ZNF804B: variants seen among roughly 807,000 people sequenced by gnomAD.
ZNF804B encodes the protein zinc finger protein 804B, also known as zinc finger 804B.
Under a neutral mutation model 101.4 loss-of-function variants are expected in ZNF804B, and 80 were observed. The observed-to-expected ratio is 0.79, with a 90% confidence interval of 0.66 to 0.95. The LOEUF is 0.95. ZNF804B is among the 40% of genes least tolerant of loss of function. The probability of loss-of-function intolerance (pLI) is 0.00; values close to 1 mark genes in which losing one functional copy is unlikely to be tolerated. For missense variants in ZNF804B, 1,673 were observed against 1,561.9 expected (o/e 1.07, Z -1.20); for synonymous variants, 622 against 558.8 (o/e 1.11, Z -1.59).
intron 1 of ZNF804B, among the ~76,000 whole-genome samples, chr7:88,975,421 G>A (rs763368285): frequency 6.6e-6 from 1 of 150,424 alleles, no homozygotes; most frequent in South Asian, 2.1e-4. Flanking sequence ...TCCCTTTTTC[G>A]CACATCCTCA....
At chr7:88,770,638 CA>C (rs1366191775) in intron 1 of ZNF804B, among the ~76,000 whole-genome samples, 2 of 152,094 alleles carry the variant, frequency 1.3e-5, no homozygotes, top group Non-Finnish European at 1.5e-5. Flanking sequence ...CTCTGCTTAT[CA>C]AGGTGATTTC....
At position 88,805,732 on chromosome 7, in the gene ZNF804B, G is replaced by A. The variant is rs145566152; in HGVS notation, c.108+45648G>A. 2.6e-4 allele frequency among the ~76,000 whole-genome samples: 39 copies of A among 152,248 alleles called. 1 individual carries two copies. In the East Asian group the frequency reaches 5.8e-3, roughly 23 times the overall value. On this transcript the variant is annotated intron_variant, in intron 1 of 3. Coordinates refer to ENST00000333190, the MANE Select transcript of ZNF804B (RefSeq NM_181646.5). ...GTCTAGAGTAAGAATGCAGTGGTATGGGAAGTATAGGCACCTGTCCTCCAT... is the reference window on the plus strand; with the variant it reads ...GTCTAGAGTAAGAATGCAGTGGTATAGGAAGTATAGGCACCTGTCCTCCAT...
intron 1 of ZNF804B, among the ~76,000 whole-genome samples, chr7:89,053,203 TA>T (rs1237658549): frequency 6.6e-6 from 1 of 152,178 alleles, no homozygotes; most frequent in African/African-American, 2.4e-5. Context: ...GTCGAATGAA[TA>T]AGTGACATTA....
chr7:88,873,551 A>G (rs369042262), intron 1 of ZNF804B, among the ~76,000 whole-genome samples: 2 of 152,154 alleles, frequency 1.3e-5, no homozygotes, highest in African/African-American at 2.4e-5. Context: ...GCCCATGCCT[A>G]TGTCCTGAAT....
chr7:88,885,487 T>G (rs2115917019), intron 1 of ZNF804B, among the ~76,000 whole-genome samples: 1 of 151,802 alleles, frequency 6.6e-6, no homozygotes, highest in East Asian at 1.9e-4. Context: ...TCAGTAGAAC[T>G]GTATATCATT....
At chr7:89,158,377 A>T (rs887625380) in intron 1 of ZNF804B, among the ~76,000 whole-genome samples, 1 of 152,082 alleles carries the variant, frequency 6.6e-6, no homozygotes, top group African/African-American at 2.4e-5. Flanking sequence ...TTCCTCCCTT[A>T]GCCCTCCACA....
intron 1 of ZNF804B, among the ~76,000 whole-genome samples, chr7:88,859,142 G>A (rs746233846): frequency 2.6e-5 from 4 of 152,004 alleles, no homozygotes; most frequent in Admixed American, 6.6e-5. Context: ...CCAATCAAAT[G>A]AATAAGAATG....
chr7:89,020,451 A>G (rs1031941984), intron 1 of ZNF804B, among the ~76,000 whole-genome samples: 1 of 151,956 alleles, frequency 6.6e-6, no homozygotes, highest in African/African-American at 2.4e-5. Flanking sequence ...GGATTTTCTT[A>G]TATGTGATTT....
intron 2 of ZNF804B, among the ~76,000 whole-genome samples, chr7:89,262,931 C>A (rs1219769192): frequency 6.6e-6 from 1 of 152,090 alleles, no homozygotes; most frequent in East Asian, 1.9e-4. Flanking sequence ...GTAAGTGTCT[C>A]TGTCATGGTT....
chr7:89,250,111 C>G (rs900616471), intron 2 of ZNF804B, among the ~76,000 whole-genome samples: 1 of 152,132 alleles, frequency 6.6e-6, no homozygotes, highest in Non-Finnish European at 1.5e-5. Flanking sequence ...TGCTTGAACC[C>G]AGGAGGCAGA....
At chr7:89,165,380 G>A (rs560305635) in intron 1 of ZNF804B, among the ~76,000 whole-genome samples, 1 of 152,066 alleles carries the variant, frequency 6.6e-6, no homozygotes, top group African/African-American at 2.4e-5. Context: ...ATGCAAGCAG[G>A]TTAAATTGAA....
chr7:89,073,725 G>A (rs1381913881), intron 1 of ZNF804B, among the ~76,000 whole-genome samples: 1 of 152,058 alleles, frequency 6.6e-6, no homozygotes, highest in Non-Finnish European at 1.5e-5. Flanking sequence ...GAGTTATGTG[G>A]AACTCATCTG....
chr7:89,069,574 G>A (rs1021335428), intron 1 of ZNF804B, among the ~76,000 whole-genome samples: 3 of 151,706 alleles, frequency 2.0e-5, no homozygotes, highest in African/African-American at 7.3e-5. Flanking sequence ...TATGATATAC[G>A]ATAAGCATTT....
chr7:89,020,182 A>T (rs1246934644), intron 1 of ZNF804B, among the ~76,000 whole-genome samples: 1 of 152,066 alleles, frequency 6.6e-6, no homozygotes, highest in Non-Finnish European at 1.5e-5. Flanking sequence ...TTTCATGATG[A>T]TATTTACTGT....
chr7:89,052,248 C>A (rs1789217917), intron 1 of ZNF804B, among the ~76,000 whole-genome samples: 1 of 152,120 alleles, frequency 6.6e-6, no homozygotes, highest in Admixed American at 6.6e-5. Context: ...AGTGATCCTG[C>A]CACATCAGCC....
chr7:88,771,945 T>G (rs1790071663), intron 1 of ZNF804B, among the ~76,000 whole-genome samples: 1 of 152,146 alleles, frequency 6.6e-6, no homozygotes, highest in African/African-American at 2.4e-5. Context: ...ATGAAATTTA[T>G]GTGAAAATAA....
chr7:89,212,429 A>G (rs1584058004), intron 1 of ZNF804B, among the ~76,000 whole-genome samples: 1 of 152,288 alleles, frequency 6.6e-6, no homozygotes, highest in East Asian at 1.9e-4. Context: ...GATAACATGT[A>G]TACCTCTTGT....
chr7:88,995,969 G>A (rs894774653), intron 1 of ZNF804B, among the ~76,000 whole-genome samples: 1 of 152,004 alleles, frequency 6.6e-6, no homozygotes, highest in East Asian at 1.9e-4. Flanking sequence ...TAAAAACAAG[G>A]CAAGTCTGAG....
intron 1 of ZNF804B, among the ~76,000 whole-genome samples, chr7:89,157,205 A>G (rs965026000): frequency 1.3e-5 from 2 of 152,214 alleles, no homozygotes; most frequent in Non-Finnish European, 2.9e-5. Flanking sequence ...GTTAGGTTCA[A>G]TATTTCTCTT....
Sources: allele counts gnomAD v4.1 joint callset (sites outside exome capture counted in the v4.1 genomes callset), GRCh38; gene constraint gnomAD v4.1.1; transcripts MANE v1.5; gene names NCBI Gene and HGNC (gene_info 2026-07-23, HGNC 2026-07-21).